IMPG1: variants seen among roughly 807,000 people sequenced by gnomAD.
The protein encoded by IMPG1 is interphotoreceptor matrix proteoglycan of 150 kDa.
In IMPG1, 85 loss-of-function variants were observed where a neutral mutation model predicts 92.0. The ratio of observed to expected loss-of-function variants is 0.92; its 90% CI spans 0.78 to 1.11. The LOEUF is 1.11. IMPG1 is among the 50% of genes least tolerant of loss of function. The probability of loss-of-function intolerance (pLI) is 0.00; values close to 1 mark genes in which losing one functional copy is unlikely to be tolerated. For missense variants in IMPG1, 1,022 were observed against 956.0 expected (o/e 1.07, Z -0.91); for synonymous variants, 367 against 334.1 (o/e 1.10, Z -1.08).
intron 1 of IMPG1, among the ~76,000 whole-genome samples, chr6:76,057,454 A>G (rs898697307): frequency 6.6e-6 from 1 of 152,154 alleles, no homozygotes; most frequent in African/African-American, 2.4e-5. Flanking sequence ...GTGATTATAT[A>G]GTAGTCATGT....
intron 1 of IMPG1, among the ~76,000 whole-genome samples, chr6:76,070,496 T>A (rs1376815290): frequency 6.6e-6 from 1 of 152,102 alleles, no homozygotes; most frequent in Non-Finnish European, 1.5e-5. Flanking sequence ...AATCATTATA[T>A]CAGAAAGATA....
intron 1 of IMPG1, among the ~76,000 whole-genome samples, chr6:76,057,503 G>C (rs1478313449): frequency 6.6e-6 from 1 of 152,090 alleles, no homozygotes; most frequent in African/African-American, 2.4e-5. Context: ...GCATACCAAA[G>C]ACAGAGTATA....
At chr6:75,979,001 T>G (rs1275497233) in intron 12 of IMPG1, among the ~76,000 whole-genome samples, 1 of 152,124 alleles carries the variant, frequency 6.6e-6, no homozygotes, top group Non-Finnish European at 1.5e-5. Flanking sequence ...AGCCTCCACC[T>G]CCTCGGGCTC....
At chr6:75,968,427 T>A (rs1198090757) in intron 12 of IMPG1, among the ~76,000 whole-genome samples, 2 of 152,308 alleles carry the variant, frequency 1.3e-5, no homozygotes, top group Admixed American at 1.3e-4. Context: ...GTAAATTTTA[T>A]TAGAATAGCA....
intron 8 of IMPG1, among the ~76,000 whole-genome samples, chr6:76,008,783 A>G (rs537007536): frequency 6.6e-6 from 1 of 152,314 alleles, no homozygotes; most frequent in South Asian, 2.1e-4. Flanking sequence ...TTTTGATGCC[A>G]TACACCTGTC....
Position 75,964,262 on chromosome 6 carries a change from AGAT to A in IMPG1, c.1292-13171_1292-13169del, listed in dbSNP as rs143751109. On this transcript the variant is annotated intron_variant, in intron 12 of 16. Coordinates refer to ENST00000369950, the MANE Select transcript of IMPG1 (RefSeq NM_001563.4). Reference sequence around the variant, plus strand: ...TTTCTGGTTATGGGGGTTCTTTTGGAGATGATGAAAGATTTCTGGAATTAGACA... The same window carrying A: ...TTTCTGGTTATGGGGGTTCTTTTGGAGATGAAAGATTTCTGGAATTAGACA... Among the ~76,000 whole-genome samples, 5 of 152,296 alleles carry A rather than the reference AGAT, an allele frequency of 3.3e-5. No individual in the cohort carries two copies. The East Asian group carries it at 9.6e-4, about 29-fold the overall frequency.
chr6:76,021,778 CATATATATATAT>C lies in IMPG1; in HGVS notation c.666+326_666+337del, dbSNP rs140827081. ...TTCATTCATTCTAACACTTGGAGAG[CATATATATATAT>C]ATATATATATATGGTTTTGTTATAT... On this transcript the variant is annotated intron_variant, in intron 6 of 16. Transcript: ENST00000369950. 3.4e-4 allele frequency among the ~76,000 whole-genome samples: 17 copies of C among 49,490 alleles called. No homozygotes were observed. In the South Asian group the frequency reaches 3.9e-3, roughly 11 times the overall value. 32.5% of individuals were successfully genotyped at this position (49,490 alleles called of 152,430 possible). A position where few individuals can be genotyped will look rare whatever the true frequency, so the allele number is the denominator to read the frequency against.
At chr6:76,001,144 A>G (rs1371646406) in intron 12 of IMPG1, among the ~76,000 whole-genome samples, 1 of 152,250 alleles carries the variant, frequency 6.6e-6, no homozygotes, top group African/African-American at 2.4e-5. Context: ...GAATGTATAA[A>G]TAAAATGGAA....
At chr6:75,924,063 G>T (rs1269965378) in intron 15 of IMPG1, among the ~76,000 whole-genome samples, 2 of 151,990 alleles carry the variant, frequency 1.3e-5, no homozygotes, top group Non-Finnish European at 2.9e-5. Context: ...ATTCCAGTTA[G>T]AATGGCTATT....
Position 75,947,351 on chromosome 6 carries a change from A to G in IMPG1, c.2007T>C (p.His669=), listed in dbSNP as rs1781943696. The G allele has an allele frequency of 7.4e-6, 12 of 1,613,922 alleles. No individual in the cohort carries two copies. In the South Asian group the frequency reaches 9.9e-5, roughly 13 times the overall value. ...DFRSAAAQQL[H]LEIDSYSLNI... ...TGAGAGAGTAGCTGTCTATTTCCAGATGGAGTTGTTGGGCTGCAGCAGAAC... is the reference window on the plus strand; with the variant it reads ...TGAGAGAGTAGCTGTCTATTTCCAGGTGGAGTTGTTGGGCTGCAGCAGAAC... The change falls in exon 14 of 17, where the codon CAT becomes CAC. Residue 669 remains histidine, a synonymous_variant. Transcript: ENST00000369950.
At chr6:75,967,097 T>G (rs1232839099) in intron 12 of IMPG1, among the ~76,000 whole-genome samples, 1 of 152,128 alleles carries the variant, frequency 6.6e-6, no homozygotes, top group East Asian at 1.9e-4. Context: ...GAGAATCACT[T>G]GAACCGGAAG....
chr6:76,026,460 C>A (rs1162790034), intron 4 of IMPG1, among the ~76,000 whole-genome samples: 1 of 152,164 alleles, frequency 6.6e-6, no homozygotes. Context: ...CCCTTTCCTT[C>A]CATTCTCAGG....
At chr6:76,049,847 A>C (rs1478554638) in intron 1 of IMPG1, among the ~76,000 whole-genome samples, 1 of 152,234 alleles carries the variant, frequency 6.6e-6, no homozygotes, top group Non-Finnish European at 1.5e-5. Context: ...AACTTCTAGC[A>C]GACTAAGGAA....
intron 12 of IMPG1, among the ~76,000 whole-genome samples, chr6:75,998,788 G>A (rs1166265553): frequency 1.3e-5 from 2 of 152,214 alleles, no homozygotes; most frequent in Non-Finnish European, 2.9e-5. Flanking sequence ...TTTTGAACAA[G>A]TTGGATACAT....
intron 12 of IMPG1, among the ~76,000 whole-genome samples, chr6:75,955,306 T>A (rs1782098792): frequency 6.6e-6 from 1 of 152,202 alleles, no homozygotes; most frequent in Non-Finnish European, 1.5e-5. Context: ...TGGTTTATAG[T>A]TCACCTTGAA....
chr6:76,059,918 A>C (rs751273932), intron 1 of IMPG1, among the ~76,000 whole-genome samples: 2 of 152,206 alleles, frequency 1.3e-5, no homozygotes, highest in Non-Finnish European at 2.9e-5. Flanking sequence ...AACTTAATTA[A>C]ATGTATCATT....
At chr6:75,974,392 T>TTTCTTTC (rs1554230326) in intron 12 of IMPG1, among the ~76,000 whole-genome samples, 3 of 59,524 alleles carry the variant, frequency 5.0e-5, no homozygotes, top group Non-Finnish European at 1.0e-4. Flanking sequence ...TCTTTCTTTC[T>TTTCTTTC]TTTCTTTCTT....
chr6:76,010,344 T>G (rs767230228), intron 8 of IMPG1, among the ~76,000 whole-genome samples: 14 of 152,338 alleles, frequency 9.2e-5, no homozygotes, highest in Non-Finnish European at 1.6e-4. Context: ...ATATTTACCC[T>G]GTGGCACATT....
intron 4 of IMPG1, among the ~76,000 whole-genome samples, chr6:76,030,222 G>T (rs1447057164): frequency 6.6e-6 from 1 of 152,108 alleles, no homozygotes; most frequent in East Asian, 1.9e-4. Flanking sequence ...GGCCCTCCCT[G>T]CTTGATGGGT....
Sources: allele counts gnomAD v4.1 joint callset (sites outside exome capture counted in the v4.1 genomes callset), GRCh38; gene constraint gnomAD v4.1.1; transcripts MANE v1.5; gene names NCBI Gene and HGNC (gene_info 2026-07-23, HGNC 2026-07-21).